The following THEM6 variants were observed in gnomAD, a reference collection of about 807,000 sequenced individuals.
THEM6 encodes protein THEM6.
Under a neutral mutation model 13.7 loss-of-function variants are expected in THEM6, and 10 were observed. That is an observed-to-expected ratio of 0.73 (90% CI 0.45 to 1.24). The LOEUF is 1.24. THEM6 is among the 50% of genes most tolerant of loss of function. The probability of loss-of-function intolerance (pLI) is 0.00; values close to 1 mark genes in which losing one functional copy is unlikely to be tolerated. For synonymous variants in THEM6, 161 were observed against 156.0 expected (o/e 1.03, Z -0.24); for missense variants, 317 against 312.6 (o/e 1.01, Z -0.11).
chr8:142,729,752 C>T (rs1266395326), intron 1 of THEM6, among the ~76,000 whole-genome samples: 4 of 152,106 alleles, frequency 2.6e-5, no homozygotes, highest in African/African-American at 9.7e-5. Context: ...GCTGACAGTT[C>T]GAAAGGGTAG....
At chr8:142,730,411 G>A (rs1815620321) in intron 1 of THEM6, among the ~76,000 whole-genome samples, 1 of 152,210 alleles carries the variant, frequency 6.6e-6, no homozygotes, top group African/African-American at 2.4e-5. Flanking sequence ...TGAGGGAAGG[G>A]AAACTGGAAG....
At position 142,735,407 on chromosome 8, in the gene THEM6, A is replaced by AGTG. The variant is rs1815737369; in HGVS notation, c.597_599dup (p.Gly200dup). On this transcript the variant is annotated inframe_insertion, in exon 2 of 2. Transcript: ENST00000336138. ...CAGCAGCCAGCTGCTCCGCATGGAGAGTGGGCTCAGTGATGTCACCAAGGA... is the reference window on the plus strand; with the variant it reads ...CAGCAGCCAGCTGCTCCGCATGGAGAGTGGTGGGCTCAGTGATGTCACCAAGGA... The AGTG allele has an allele frequency of 1.3e-6, 2 of 1,582,886 alleles. No homozygotes were observed. Among genetic ancestry groups the AGTG allele is most frequent in the Non-Finnish European group, 1.7e-6 (2 of 1,164,754 alleles).
chr8:142,733,608 G>A (rs901791574), intron 1 of THEM6, among the ~76,000 whole-genome samples: 4 of 152,172 alleles, frequency 2.6e-5, no homozygotes, highest in African/African-American at 9.7e-5. Context: ...TGTCAGGAAT[G>A]GGGAAACTGA....
At chr8:142,731,484 C>T (rs1320332909) in intron 1 of THEM6, among the ~76,000 whole-genome samples, 1 of 151,998 alleles carries the variant, frequency 6.6e-6, no homozygotes, top group African/African-American at 2.4e-5. Context: ...TGCATAAATT[C>T]CCTTTTATAG....
chr8:142,729,458 G>A (rs1815597698), intron 1 of THEM6, among the ~76,000 whole-genome samples: 1 of 152,082 alleles, frequency 6.6e-6, no homozygotes, highest in Non-Finnish European at 1.5e-5. Flanking sequence ...TTCAGCCAGG[G>A]ATTTGCATCT....
intron 1 of THEM6, among the ~76,000 whole-genome samples, chr8:142,728,424 T>TC (rs1815565269): frequency 6.6e-6 from 1 of 152,196 alleles, no homozygotes; most frequent in Non-Finnish European, 1.5e-5. Context: ...GGCTCGCTCC[T>TC]CCCAGCAGGG....
At position 142,727,456 on chromosome 8, in the gene THEM6, T is replaced by C. The variant is rs1302585217; in HGVS notation, c.110T>C (p.Leu37Pro). 7 of 1,564,204 alleles carry C rather than the reference T, an allele frequency of 4.5e-6. No homozygotes were observed. In the Admixed American group the frequency reaches 8.9e-5, roughly 20 times the overall value. The change falls in exon 1 of 2, where the codon CTG becomes CCG. Residue 37 changes from leucine (L) to proline (P), a missense_variant. Transcript: ENST00000336138. ...TGCGCCGTGCTGCGCGCGCGCCTGC[T>C]GCAGCCGCGCGTCCGTGACCTGCTA... ...LPCAVLRARL[L>P]QPRVRDLLAE...
intron 1 of THEM6, among the ~76,000 whole-genome samples, 193 bp downstream of exon 1, chr8:142,728,052 G>A (rs1184809748): frequency 6.6e-6 from 1 of 152,034 alleles, no homozygotes; most frequent in African/African-American, 2.4e-5. Flanking sequence ...GCCTTTGTTC[G>A]TGGGGGTTCC....
At chr8:142,730,098 A>G (rs1451175198) in intron 1 of THEM6, among the ~76,000 whole-genome samples, 1 of 152,252 alleles carries the variant, frequency 6.6e-6, no homozygotes, top group Non-Finnish European at 1.5e-5. Context: ...AGTAACAATA[A>G]GGAAAGGAAG....
In THEM6 at chr8:142,727,629, CG is replaced by C; in HGVS notation, c.286del (p.Ala96ArgfsTer146). ...GGTGCTCGGGGCGCTGAGGGAGTTG[CG>C]GGCGCACACGGTGCTGGCGGCCTCG... Reference protein sequence around the residue: ...CGVLGALRELRAHTVLAASCA... With the variant: ...CGVLGALRELXAHTVLAASCA... On this transcript the variant is annotated frameshift_variant, in exon 1 of 2. Transcript: ENST00000336138. LOFTEE classifies it high-confidence loss of function. 6.7e-7 allele frequency: 1 copy of C among 1,490,716 alleles called. No homozygotes were observed. The highest frequency in any genetic ancestry group is 1.3e-5 in the South Asian group (1 of 78,628). The allele number at this position is 1,490,716 out of a possible 1,614,324, so 92.3% of individuals were successfully genotyped here.
chr8:142,733,786 G>T (rs1332574358), intron 1 of THEM6, among the ~76,000 whole-genome samples: 1 of 152,212 alleles, frequency 6.6e-6, no homozygotes, highest in Admixed American at 6.5e-5. Flanking sequence ...GCCCAAGGTG[G>T]TCGGGGCACA....
chr8:142,727,883 C>G, intron 1 of THEM6, 24 bp downstream of exon 1: 2 of 1,387,152 alleles, frequency 1.4e-6, no homozygotes, highest in Non-Finnish European at 1.9e-6. Flanking sequence ...GCCCCTGGCC[C>G]CGGAGCACGG....
At position 142,735,790 on chromosome 8, in the gene THEM6, AT is replaced by A; in HGVS notation, c.*352del. 3.7e-6 allele frequency: 1 copy of A among 271,022 alleles called. No homozygotes were observed. The highest frequency in any genetic ancestry group is 7.4e-6 in the Non-Finnish European group (1 of 135,742). 16.8% of individuals were successfully genotyped at this position (271,022 alleles called of 1,614,324 possible). ...ACCCACAAGTGCCTCCCGAGCCTAG[AT>A]CCTGGCTCGGACCACTGCAAGGGCC... On this transcript the variant is annotated 3_prime_UTR_variant, in exon 2 of 2. Transcript: ENST00000336138.
Position 142,727,437 on chromosome 8 carries a change from G to C in THEM6, c.91G>C (p.Val31Leu). ...VWYLVRLPCAVLRARLLQPRV... is the reference protein window; with the variant it reads ...VWYLVRLPCALLRARLLQPRV... ...GTACCTGGTGCGCCTTCCGTGCGCC[G>C]TGCTGCGCGCGCGCCTGCTGCAGCC... is the stretch of plus-strand genomic sequence containing the variant. Residue 31 changes from valine to leucine, a missense_variant, in exon 1 of 2, where the codon GTG (valine) becomes CTG (leucine). Physicochemically the swap from Val to Leu is conservative, Grantham distance 32. Transcript: ENST00000336138. 1 of 1,551,244 alleles carries C rather than the reference G, an allele frequency of 6.4e-7. No homozygotes were observed. Among genetic ancestry groups the C allele is most frequent in the Non-Finnish European group, 8.7e-7 (1 of 1,155,980 alleles).
chr8:142,732,745 C>T (rs888976542), intron 1 of THEM6, among the ~76,000 whole-genome samples: 6 of 148,526 alleles, frequency 4.0e-5, no homozygotes, highest in Admixed American at 3.4e-4. Flanking sequence ...GCTGAGAGTC[C>T]GGGTTTATTC....
rs1554642487 is a variant in THEM6, at chr8:142,727,618, T to C, written c.272T>C (p.Leu91Pro). Reference sequence around the variant, plus strand: ...ACCCGCTGCGGGGTGCTCGGGGCGCTGAGGGAGTTGCGGGCGCACACGGTG... The same window carrying C: ...ACCCGCTGCGGGGTGCTCGGGGCGCCGAGGGAGTTGCGGGCGCACACGGTG... ...HLTRCGVLGA[L>P]RELRAHTVLA... The change falls in exon 1 of 2, where the codon CTG becomes CCG. Residue 91 changes from leucine (L) to proline (P), a missense_variant. Coordinates refer to ENST00000336138, the MANE Select transcript of THEM6 (RefSeq NM_016647.3). 6.0e-6 allele frequency: 9 copies of C among 1,496,980 alleles called. No homozygotes were observed. Among genetic ancestry groups the C allele is most frequent in the Non-Finnish European group, 8.0e-6 (9 of 1,131,406 alleles). 92.7% of individuals were successfully genotyped at this position (1,496,980 alleles called of 1,614,324 possible). A position where few individuals can be genotyped will look rare whatever the true frequency, so the allele number is the denominator to read the frequency against.
At chr8:142,728,914 G>A (rs999587256) in intron 1 of THEM6, among the ~76,000 whole-genome samples, 1 of 149,950 alleles carries the variant, frequency 6.7e-6, no homozygotes, top group Non-Finnish European at 1.5e-5. Context: ...ACTATATTTT[G>A]CAAGAATCAA....
In THEM6 at chr8:142,727,719, G is replaced by A. The variant is rs200783896; in HGVS notation, c.373G>A (p.Gly125Ser). ...CTTCGAGGTGCGCACCCGCCTGCTGGGCTGGGACGACCGCGCGTTCTACCT... is the reference window on the plus strand; with the variant it reads ...CTTCGAGGTGCGCACCCGCCTGCTGAGCTGGGACGACCGCGCGTTCTACCT... ...EPFEVRTRLL[G>S]WDDRAFYLEA... Residue 125 changes from glycine (G) to serine (S), a missense_variant, in exon 1 of 2, where the codon GGC (glycine) becomes AGC (serine). Physicochemically the swap from Gly to Ser is moderately conservative, Grantham distance 56. Coordinates refer to ENST00000336138, the MANE Select transcript of THEM6 (RefSeq NM_016647.3). The A allele has an allele frequency of 4.9e-6, 7 of 1,438,468 alleles. No homozygotes were observed. Among genetic ancestry groups the A allele is most frequent in the Middle Eastern group, 2.4e-4 (1 of 4,124 alleles). The allele number at this position is 1,438,468 out of a possible 1,614,324, so 89.1% of individuals were successfully genotyped here.
intron 1 of THEM6, among the ~76,000 whole-genome samples, chr8:142,731,362 G>T: frequency 6.6e-6 from 1 of 151,558 alleles, no homozygotes; most frequent in African/African-American, 2.4e-5. Flanking sequence ...TTATAATCCT[G>T]TTATTAAAAG....
Sources: gnomAD v4.1 joint callset for allele counts (sites outside exome capture counted in the v4.1 genomes callset) on GRCh38, gnomAD v4.1.1 for gene constraint, MANE v1.5 for transcripts, NCBI Gene and HGNC (gene_info 2026-07-23, HGNC 2026-07-21) for gene names.